KCNIP4: variants seen among roughly 807,000 people sequenced by gnomAD.
KCNIP4 encodes Kv channel-interacting protein 4.
KCNIP4 carries 12 observed loss-of-function variants against 34.0 expected under a neutral mutation model. The ratio of observed to expected loss-of-function variants is 0.35; its 90% CI spans 0.23 to 0.57. The LOEUF is 0.57. KCNIP4 is among the 20% of genes least tolerant of loss of function. KCNIP4 has a pLI of 0.83. For missense variants in KCNIP4, 238 were observed against 311.7 expected (o/e 0.76, Z 1.78); for synonymous variants, 124 against 102.2 (o/e 1.21, Z -1.29).
At chr4:21,670,840 T>C (rs1749435800) in intron 1 of KCNIP4, among the ~76,000 whole-genome samples, 1 of 151,960 alleles carries the variant, frequency 6.6e-6, no homozygotes. Context: ...GTATTTTTAG[T>C]AGAGACGGGG....
intron 3 of KCNIP4, among the ~76,000 whole-genome samples, chr4:20,816,972 T>G (rs1716471080): frequency 6.6e-6 from 1 of 152,184 alleles, no homozygotes; most frequent in Non-Finnish European, 1.5e-5. Flanking sequence ...TCAGGTCAGT[T>G]TTACAGAGTT....
At chr4:21,676,643 C>T (rs1209970946) in intron 1 of KCNIP4, among the ~76,000 whole-genome samples, 2 of 152,108 alleles carry the variant, frequency 1.3e-5, no homozygotes, top group Non-Finnish European at 2.9e-5. Flanking sequence ...CTATTTTATG[C>T]TATGTAACTT....
intron 3 of KCNIP4, among the ~76,000 whole-genome samples, chr4:20,786,155 G>A (rs1711959770): frequency 6.6e-6 from 1 of 152,118 alleles, no homozygotes; most frequent in African/African-American, 2.4e-5. Flanking sequence ...CAACGTGGAT[G>A]CAGCTGGAGG....
In KCNIP4 at chr4:20,832,846, C is replaced by A. The variant is rs1188788324; in HGVS notation, c.288+17697G>T. 2.0e-5 allele frequency among the ~76,000 whole-genome samples: 3 copies of A among 147,110 alleles called. No homozygotes were observed. The South Asian group carries it at 6.6e-4, about 32-fold the overall frequency. On this transcript the variant is annotated intron_variant, in intron 3 of 8. Coordinates refer to ENST00000382152, the MANE Select transcript of KCNIP4 (RefSeq NM_025221.6). ...ATGACAGAAGGGATTTTAAGGAAGA[C>A]AACAAGTTAGTCTTCTGGAGTAACA... is the stretch of plus-strand genomic sequence containing the variant.
intron 1 of KCNIP4, among the ~76,000 whole-genome samples, chr4:21,715,410 G>T (rs940088876): frequency 2.6e-5 from 4 of 152,052 alleles, no homozygotes; most frequent in African/African-American, 9.7e-5. Flanking sequence ...GATTACAGGT[G>T]TGAGCCACCG....
intron 1 of KCNIP4, among the ~76,000 whole-genome samples, chr4:21,751,388 T>C (rs575946737): frequency 6.6e-6 from 1 of 152,310 alleles, no homozygotes; most frequent in Non-Finnish European, 1.5e-5. Flanking sequence ...TTAGGTGTTA[T>C]GACATGGTGT....
chr4:21,926,020 G>C (rs1055079913), intron 1 of KCNIP4, among the ~76,000 whole-genome samples: 4 of 152,084 alleles, frequency 2.6e-5, no homozygotes, highest in Admixed American at 1.3e-4. Context: ...TATACTGAAA[G>C]AACAAAATGA....
chr4:21,764,579 C>G (rs1350498552), intron 1 of KCNIP4, among the ~76,000 whole-genome samples: 3 of 152,002 alleles, frequency 2.0e-5, no homozygotes, highest in Non-Finnish European at 2.9e-5. Context: ...CTATATAAAC[C>G]ACTGCCAGCT....
intron 1 of KCNIP4, chr4:20,916,221 C>G: frequency 1.7e-6 from 1 of 582,102 alleles, no homozygotes; most frequent in Non-Finnish European, 2.2e-6. Context: ...CTAACTCTCT[C>G]AGGTTCTCTC....
intron 1 of KCNIP4, among the ~76,000 whole-genome samples, chr4:21,145,056 A>G (rs999094081): frequency 6.6e-6 from 1 of 152,144 alleles, no homozygotes; most frequent in Non-Finnish European, 1.5e-5. Flanking sequence ...GAAATCAACA[A>G]TCTTAGAACT....
chr4:20,794,715 C>T (rs542866015), intron 3 of KCNIP4, among the ~76,000 whole-genome samples: 13 of 152,144 alleles, frequency 8.5e-5, no homozygotes, highest in South Asian at 6.2e-4. Flanking sequence ...GTGGGTTATG[C>T]GATATTTGCC....
chr4:21,730,098 A>G (rs972082932), intron 1 of KCNIP4: 2 of 152,138 alleles, frequency 1.3e-5, no homozygotes, highest in African/African-American at 4.8e-5. Flanking sequence ...GGTGGGAGGT[A>G]AATCTGGTTC....
intron 5 of KCNIP4, among the ~76,000 whole-genome samples, chr4:20,736,217 T>C (rs1417827787): frequency 6.6e-6 from 1 of 152,236 alleles, no homozygotes; most frequent in Non-Finnish European, 1.5e-5. Context: ...ATATTTGTTT[T>C]ACTAGCTAAC....
intron 3 of KCNIP4, 100 bp from the exon 4 acceptor site, chr4:20,758,990 C>A: frequency 4.9e-6 from 4 of 817,530 alleles, no homozygotes; most frequent in Non-Finnish European, 6.1e-6. Context: ...CAAAGCTGCA[C>A]CAAGAAAATT....
In KCNIP4 at chr4:21,688,781, T is replaced by G. The variant is rs748178153; in HGVS notation, c.61+259790A>C. Among the ~76,000 whole-genome samples, 8 of 152,054 alleles carry G rather than the reference T, an allele frequency of 5.3e-5. No individual in the cohort carries two copies. In the South Asian group the frequency reaches 1.7e-3, roughly 32 times the overall value. On this transcript the variant is annotated intron_variant, in intron 1 of 8. Coordinates refer to ENST00000382152, the MANE Select transcript of KCNIP4 (RefSeq NM_025221.6). Reference sequence around the variant, plus strand: ...GGACCATTTAGCTTTTTAGCAAAACTTCCTGTTCCTACAAATAATCCCACT... The same window carrying G: ...GGACCATTTAGCTTTTTAGCAAAACGTCCTGTTCCTACAAATAATCCCACT...
intron 1 of KCNIP4, among the ~76,000 whole-genome samples, chr4:21,097,925 G>C (rs978686665): frequency 3.3e-5 from 5 of 152,108 alleles, no homozygotes; most frequent in African/African-American, 1.2e-4. Context: ...GGCCAAACAG[G>C]TAGCCAAGTT....
In KCNIP4 at chr4:20,962,922, A is replaced by G. The variant is rs147818157; in HGVS notation, c.62-80213T>C. Among the ~76,000 whole-genome samples the G allele has an allele frequency of 6.6e-5, 10 of 152,340 alleles. No homozygotes were observed. The East Asian group carries it at 1.7e-3, about 26-fold the overall frequency. On this transcript the variant is annotated intron_variant, in intron 1 of 8. Coordinates refer to ENST00000382152, the MANE Select transcript of KCNIP4 (RefSeq NM_025221.6). ...AAACATCTAGTTAGAATATTTTGAC[A>G]GAAGAATATTGGTGAGTCATTCAAT... is the stretch of plus-strand genomic sequence containing the variant.
At position 21,321,496 on chromosome 4, in the gene KCNIP4, G is replaced by A. The variant is rs540295209; in HGVS notation, c.62-438787C>T. On this transcript the variant is annotated intron_variant, in intron 1 of 8. Transcript: ENST00000382152. ...ACAAGATAGAACTAGTAAGAAAAAC[G>A]GAATAAAATATTAAATGGGTAGACA... is the stretch of plus-strand genomic sequence containing the variant. Among the ~76,000 whole-genome samples, 5 of 152,044 alleles carry A rather than the reference G, an allele frequency of 3.3e-5. No individual in the cohort carries two copies. The East Asian group carries it at 5.8e-4, about 18-fold the overall frequency.
chr4:20,807,724 A>G (rs1255632351), intron 3 of KCNIP4, among the ~76,000 whole-genome samples: 1 of 152,160 alleles, frequency 6.6e-6, no homozygotes, highest in African/African-American at 2.4e-5. Flanking sequence ...ACACATTTCT[A>G]CCTACTGAAA....
Sources: gnomAD v4.1 joint callset for allele counts (sites outside exome capture counted in the v4.1 genomes callset) on GRCh38, gnomAD v4.1.1 for gene constraint, MANE v1.5 for transcripts, NCBI Gene and HGNC (gene_info 2026-07-23, HGNC 2026-07-21) for gene names.